SDK1: variants seen among roughly 807,000 people sequenced by gnomAD.
SDK1 encodes the protein sidekick cell adhesion molecule 1.
A neutral mutation model predicts 245.5 loss-of-function variants in SDK1; 157 were observed. The ratio of observed to expected loss-of-function variants is 0.64; its 90% confidence interval spans 0.56 to 0.73. The LOEUF (loss-of-function observed/expected upper bound fraction) is 0.73. SDK1 is among the 30% of genes least tolerant of loss of function. SDK1 has a pLI of 0.00. For synonymous variants in SDK1, 1,647 were observed against 1,278.5 expected, an observed-to-expected ratio of 1.29 and a Z score of -6.15; for missense variants, 3,583 against 3,002.3, an observed-to-expected ratio of 1.19 and a Z score of -4.52.
At chr7:4,261,050 C>T (rs887879226) in intron 44 of SDK1, among the ~76,000 whole-genome samples, 1 of 152,170 alleles carries the variant, frequency 6.6e-6, no homozygotes, top group Non-Finnish European at 1.5e-5. Context: ...CTGTTAGTTT[C>T]ATGTAAATAT....
chr7:3,750,645 G>A lies in SDK1; in HGVS notation c.714-70805G>A, dbSNP rs181864778. 2.4e-4 allele frequency among the ~76,000 whole-genome samples: 37 copies of A among 152,290 alleles called. 1 individual carries two copies. In the South Asian group the frequency reaches 6.2e-3, roughly 26 times the overall value. On this transcript the variant is annotated intron_variant, in intron 4 of 44. Transcript: ENST00000404826. ...AAAATGAGCAAGAGGAAGCATCAGC[G>A]CTCTGACTGAACTGATTTAACTGAG...
At chr7:3,314,044 T>C (rs1328330168) in intron 1 of SDK1, among the ~76,000 whole-genome samples, 1 of 152,188 alleles carries the variant, frequency 6.6e-6, no homozygotes, top group Admixed American at 6.5e-5. Flanking sequence ...GCTTATAGTT[T>C]ATTAGGGCAT....
intron 1 of SDK1, among the ~76,000 whole-genome samples, chr7:3,352,027 T>G (rs959386141): frequency 6.6e-6 from 1 of 151,852 alleles, no homozygotes; most frequent in Non-Finnish European, 1.5e-5. Flanking sequence ...GTAGAGTATT[T>G]TTCTTACGGA....
chr7:4,227,898 G>A (rs1463381727), intron 40 of SDK1, among the ~76,000 whole-genome samples: 1 of 152,218 alleles, frequency 6.6e-6, no homozygotes, highest in South Asian at 2.1e-4. Context: ...GGGAGATGCT[G>A]GCACCAGAAG....
intron 44 of SDK1, among the ~76,000 whole-genome samples, chr7:4,257,264 C>T (rs1262885332): frequency 6.6e-6 from 1 of 152,154 alleles, no homozygotes; most frequent in East Asian, 1.9e-4. Flanking sequence ...AGCTGCTTTC[C>T]AGGCGTCTGT....
intron 1 of SDK1, among the ~76,000 whole-genome samples, chr7:3,361,685 A>G (rs550597615): frequency 6.6e-6 from 1 of 152,160 alleles, no homozygotes; most frequent in Non-Finnish European, 1.5e-5. Flanking sequence ...CTTTAGAACT[A>G]TTGGCTTAGA....
chr7:3,982,391 C>G (rs952391477), intron 13 of SDK1, among the ~76,000 whole-genome samples: 4 of 152,178 alleles, frequency 2.6e-5, no homozygotes, highest in Admixed American at 6.5e-5. Context: ...GTTCTGCAGA[C>G]TGTGGATGAA....
chr7:3,939,277 A>G (rs1780271764), intron 5 of SDK1, among the ~76,000 whole-genome samples: 1 of 152,238 alleles, frequency 6.6e-6, no homozygotes, highest in African/African-American at 2.4e-5. Flanking sequence ...GGCATTCGTG[A>G]TTGCCTTCTG....
chr7:3,941,089 T>G (rs1780351387), intron 5 of SDK1, among the ~76,000 whole-genome samples: 1 of 151,984 alleles, frequency 6.6e-6, no homozygotes, highest in East Asian at 1.9e-4. Flanking sequence ...GCTTTCTCCC[T>G]TATAAGCTGC....
intron 20 of SDK1, among the ~76,000 whole-genome samples, chr7:4,069,768 C>T (rs1780128929): frequency 1.3e-5 from 2 of 152,218 alleles, no homozygotes; most frequent in South Asian, 4.1e-4. Context: ...CTGGCCACTT[C>T]CACTGTGTTT....
At chr7:3,344,305 T>C (rs1041363595) in intron 1 of SDK1, among the ~76,000 whole-genome samples, 7 of 152,202 alleles carry the variant, frequency 4.6e-5, no homozygotes, top group African/African-American at 1.7e-4. Flanking sequence ...TTCAGTAGCA[T>C]CAAATACGTT....
chr7:3,824,990 G>A (rs962802216), intron 5 of SDK1, among the ~76,000 whole-genome samples: 1 of 152,224 alleles, frequency 6.6e-6, no homozygotes, highest in South Asian at 2.1e-4. Flanking sequence ...CCGCTGCCCT[G>A]GTGAGAGCTT....
At chr7:3,761,131 C>A (rs1411251524) in intron 4 of SDK1, among the ~76,000 whole-genome samples, 1 of 151,902 alleles carries the variant, frequency 6.6e-6, no homozygotes, top group Non-Finnish European at 1.5e-5. Flanking sequence ...GAATCTGTAA[C>A]AGAATGAGTA....
intron 4 of SDK1, among the ~76,000 whole-genome samples, chr7:3,658,815 G>A (rs756454590): frequency 6.6e-6 from 1 of 151,946 alleles, no homozygotes; most frequent in East Asian, 1.9e-4. Flanking sequence ...ATGTGGTTTC[G>A]CCATGTTGGC....
intron 4 of SDK1, among the ~76,000 whole-genome samples, chr7:3,695,749 A>T (rs1403147066): frequency 6.6e-6 from 1 of 152,186 alleles, no homozygotes; most frequent in Non-Finnish European, 1.5e-5. Context: ...TATTCCGGTG[A>T]CATAAATCTT....
chr7:4,041,638 C>G (rs1325323499), intron 17 of SDK1, among the ~76,000 whole-genome samples: 2 of 91,746 alleles, frequency 2.2e-5, no homozygotes, highest in Admixed American at 8.8e-5. Context: ...AGCCACTGGT[C>G]CTTTTGCTGT....
intron 1 of SDK1, among the ~76,000 whole-genome samples, chr7:3,338,947 C>T (rs1276980552): frequency 2.0e-5 from 3 of 152,242 alleles, no homozygotes; most frequent in East Asian, 3.9e-4. Flanking sequence ...AAATGGCAGG[C>T]TTAGGCTTGT....
At chr7:3,792,055 G>C (rs1781110774) in intron 4 of SDK1, among the ~76,000 whole-genome samples, 2 of 152,062 alleles carry the variant, frequency 1.3e-5, no homozygotes. Context: ...TTGAACCCGG[G>C]AGTTCAAGGC....
At chr7:4,194,958 T>G (rs1256242723) in intron 35 of SDK1, among the ~76,000 whole-genome samples, 2 of 152,206 alleles carry the variant, frequency 1.3e-5, no homozygotes, top group East Asian at 3.9e-4. Flanking sequence ...AGTCAGCATT[T>G]GAATTCCCCT....
Sources: allele counts gnomAD v4.1 joint callset (sites outside exome capture counted in the v4.1 genomes callset), GRCh38; gene constraint gnomAD v4.1.1; transcripts MANE v1.5; gene names NCBI Gene and HGNC (gene_info 2026-07-23, HGNC 2026-07-21).